Variants in LRP2 observed in about 807,000 individuals in gnomAD.
The protein encoded by LRP2 is low-density lipoprotein receptor-related protein 2.
Under a neutral mutation model 531.0 loss-of-function variants are expected in LRP2, and 172 were observed. That is an observed-to-expected ratio of 0.32 (90% CI 0.29 to 0.37). The LOEUF is 0.37. LRP2 is among the 10% of genes least tolerant of loss of function. LRP2 has a pLI of 1.00. For synonymous variants in LRP2, 1,992 were observed against 2,027.6 expected, an observed-to-expected ratio of 0.98 and a Z score of 0.47; for missense variants, 5,167 against 5,868.3, an observed-to-expected ratio of 0.88 and a Z score of 3.90.
intron 1 of LRP2, among the ~76,000 whole-genome samples, chr2:169,330,074 G>A (rs560629413): frequency 3.9e-5 from 6 of 152,094 alleles, no homozygotes; most frequent in Non-Finnish European, 5.9e-5. Context: ...GTGTCATCCC[G>A]AAACCATCCC....
At chr2:169,144,460 T>C (rs1222147359) in intron 70 of LRP2, among the ~76,000 whole-genome samples, 1 of 142,060 alleles carries the variant, frequency 7.0e-6, no homozygotes, top group Non-Finnish European at 1.5e-5. Context: ...GGAGATGCTT[T>C]TCCTTCAGGG....
intron 1 of LRP2, among the ~76,000 whole-genome samples, chr2:169,330,753 A>G (rs747255667): frequency 1.5e-4 from 23 of 152,152 alleles, no homozygotes; most frequent in Non-Finnish European, 2.8e-4. Context: ...GCCGCTTGAG[A>G]GTGGCAGTAC....
At chr2:169,300,634 G>A (rs1203011206) in intron 4 of LRP2, among the ~76,000 whole-genome samples, 1 of 152,092 alleles carries the variant, frequency 6.6e-6, no homozygotes, top group Non-Finnish European at 1.5e-5. Context: ...TAACATCCTT[G>A]TATGATGGAA....
chr2:169,215,327 C>T (rs978271991), intron 35 of LRP2, among the ~76,000 whole-genome samples: 1 of 152,134 alleles, frequency 6.6e-6, no homozygotes, highest in Non-Finnish European at 1.5e-5. Context: ...CAGTTCAGCA[C>T]CCAAAGCAAT....
intron 19 of LRP2, among the ~76,000 whole-genome samples, chr2:169,248,755 T>A (rs1438886911): frequency 2.2e-5 from 3 of 133,400 alleles, no homozygotes; most frequent in Non-Finnish European, 4.8e-5. Context: ...TGCCAGACAG[T>A]GGGCGCAGGC....
rs923086526 is a variant in LRP2, at chr2:169,213,841, A to C, written c.5856T>G (p.Asp1952Glu). 2.0e-5 allele frequency: 32 copies of C among 1,613,500 alleles called. No individual in the cohort carries two copies. Among genetic ancestry groups the C allele is most frequent in the Non-Finnish European group, 2.5e-5 (30 of 1,179,674 alleles). The stretch of plus-strand genomic sequence containing the variant: ...AAAGCTGGTGTACCAGGATCATTCG[A>C]TCTGTTCCATCCACGTTTCCTCTTT... ...VIERGNVDGT[D>E]RMILVHQLSH... The change falls in exon 36 of 79, where the codon GAT (aspartate) becomes GAG (glutamate). Residue 1952 changes from aspartate to glutamate, a missense_variant. This residue lies in a region of LRP2 where 2,811 missense variants were observed against 3,058.0 expected (regional missense o/e 0.92). Coordinates refer to ENST00000649046, the MANE Select transcript of LRP2 (RefSeq NM_004525.3).
At chr2:169,360,763 C>T (rs1331632587) in intron 1 of LRP2, among the ~76,000 whole-genome samples, 1 of 152,160 alleles carries the variant, frequency 6.6e-6, no homozygotes, top group Non-Finnish European at 1.5e-5. Context: ...CCTCTCCTGC[C>T]TTTCTGAAGA....
chr2:169,286,871 A>T (rs1483376063), intron 9 of LRP2, among the ~76,000 whole-genome samples: 1 of 152,226 alleles, frequency 6.6e-6, no homozygotes, highest in African/African-American at 2.4e-5. Flanking sequence ...AATACTGAGA[A>T]TGTGGCTTCT....
intron 1 of LRP2, among the ~76,000 whole-genome samples, chr2:169,351,993 A>G (rs1335945083): frequency 6.6e-6 from 1 of 152,228 alleles, no homozygotes; most frequent in Non-Finnish European, 1.5e-5. Flanking sequence ...TGTAAGTCCC[A>G]ATGAGGTCAA....
chr2:169,151,067 G>A (rs367809074), intron 67 of LRP2, 41 bp from the exon 68 acceptor site: 2 of 1,611,052 alleles, frequency 1.2e-6, no homozygotes, highest in Non-Finnish European at 1.7e-6. Context: ...GCAAAGCCTA[G>A]AGTAATCATT....
At chr2:169,183,983 T>C (rs1429408121) in intron 50 of LRP2, among the ~76,000 whole-genome samples, 1 of 152,090 alleles carries the variant, frequency 6.6e-6, no homozygotes, top group Non-Finnish European at 1.5e-5. Context: ...TCCTGGACTT[T>C]CAAGAAAAGT....
chr2:169,190,712 G>A (rs978286316), intron 48 of LRP2, among the ~76,000 whole-genome samples: 20 of 152,246 alleles, frequency 1.3e-4, no homozygotes, highest in African/African-American at 4.3e-4. Context: ...TCTCTTCACG[G>A]CTCCAGTTGT....
At chr2:169,297,489 T>A (rs956278554) in intron 4 of LRP2, among the ~76,000 whole-genome samples, 1 of 152,174 alleles carries the variant, frequency 6.6e-6, no homozygotes, top group Non-Finnish European at 1.5e-5. Context: ...CAAGTAGCTA[T>A]AAATTAAGCC....
At chr2:169,268,858 C>A (rs1683313268) in intron 16 of LRP2, among the ~76,000 whole-genome samples, 1 of 152,172 alleles carries the variant, frequency 6.6e-6, no homozygotes, top group South Asian at 2.1e-4. Flanking sequence ...AAAACCCCAT[C>A]ATCTCAGCCC....
intron 76 of LRP2, 116 bp from the exon 77 acceptor site, chr2:169,132,797 T>C (rs1326378968): frequency 4.3e-6 from 3 of 705,662 alleles, no homozygotes; most frequent in Non-Finnish European, 7.9e-6. Flanking sequence ...CCCACAGACA[T>C]CATCAGGCAC....
chr2:169,171,473 G>T (rs764801462), intron 58 of LRP2, among the ~76,000 whole-genome samples: 11 of 152,012 alleles, frequency 7.2e-5, no homozygotes, highest in Non-Finnish European at 1.5e-4. Flanking sequence ...CAATACCTTC[G>T]ACTGGGAGAG....
At chr2:169,153,401 G>T (rs957473229) in intron 66 of LRP2, among the ~76,000 whole-genome samples, 2 of 152,176 alleles carry the variant, frequency 1.3e-5, no homozygotes, top group Non-Finnish European at 2.9e-5. Context: ...GAAGGATGGT[G>T]GACAGCAGGC....
At chr2:169,345,011 A>G (rs1317295015) in intron 1 of LRP2, among the ~76,000 whole-genome samples, 1 of 152,188 alleles carries the variant, frequency 6.6e-6, no homozygotes, top group Non-Finnish European at 1.5e-5. Flanking sequence ...TAAGAGTACA[A>G]TTTACTGATT....
In LRP2 at chr2:169,279,438, T is replaced by C; in HGVS notation, c.1499A>G (p.Tyr500Cys). Residue 500 changes from tyrosine to cysteine, a missense_variant, in exon 12 of 79, where the codon TAT (tyrosine) becomes TGT (cysteine). Tyr to Cys is a radical substitution (Grantham distance 194). Coordinates refer to ENST00000649046, the MANE Select transcript of LRP2 (RefSeq NM_004525.3). ...GTTTTCAGTTATAAGGGTAACCCGA[T>C]AGCTTCCATCCAAATTTACCATATC... ...RIDMVNLDGS[Y>C]RVTLITENLG... 6.2e-7 allele frequency: 1 copy of C among 1,614,108 alleles called. No homozygotes were observed.
Sources: allele counts gnomAD v4.1 joint callset (sites outside exome capture counted in the v4.1 genomes callset), GRCh38; gene constraint gnomAD v4.1.1; regional missense constraint gnomAD v4.1.1; transcripts MANE v1.5; gene names NCBI Gene and HGNC (gene_info 2026-07-23, HGNC 2026-07-21).